The following CDH1 variants were observed in gnomAD, a reference collection of about 807,000 sequenced individuals.
CDH1 encodes cadherin-1.
In CDH1, 35 loss-of-function variants were observed where a neutral mutation model predicts 84.5. The ratio of observed to expected loss-of-function variants is 0.41; its 90% CI spans 0.32 to 0.55. The LOEUF is 0.55. Ranked by LOEUF, CDH1 falls within the 20% of genes least tolerant of loss-of-function variation. CDH1 has a pLI of 0.19. For synonymous variants in CDH1, 417 were observed against 439.0 expected (o/e 0.95, Z 0.63); for missense variants, 994 against 1,126.6 (o/e 0.88, Z 1.68).
At chr16:68,745,715 G>A (rs1462738633) in intron 2 of CDH1, among the ~76,000 whole-genome samples, 2 of 151,174 alleles carry the variant, frequency 1.3e-5, no homozygotes, top group Non-Finnish European at 2.9e-5. Context: ...TGAGATCCTT[G>A]TGGCTAAAAA....
rs114861467 is a variant in CDH1, at chr16:68,815,553, C to G, written c.1359C>G (p.His453Gln). The G allele has an allele frequency of 6.2e-7, 1 of 1,614,232 alleles. No individual in the cohort carries two copies. Among genetic ancestry groups the G allele is most frequent in the Non-Finnish European group, 8.5e-7 (1 of 1,180,044 alleles). ...AGGCCAAGCAGCAGTACATTCTACACGTAGCAGTGACGAATGTGGTACCTT... is the reference window on the plus strand; with the variant it reads ...AGGCCAAGCAGCAGTACATTCTACAGGTAGCAGTGACGAATGTGGTACCTT... Reference protein sequence around the residue: ...DFEAKQQYILHVAVTNVVPFE... With the variant: ...DFEAKQQYILQVAVTNVVPFE... Residue 453 changes from histidine (H) to glutamine (Q), a missense_variant, in exon 10 of 16, where the codon CAC becomes CAG. By Grantham distance (24) the His-to-Gln change is conservative. Transcript: ENST00000261769.
intron 2 of CDH1, among the ~76,000 whole-genome samples, chr16:68,779,731 C>A (rs930149415): frequency 6.6e-6 from 1 of 152,180 alleles, no homozygotes; most frequent in African/African-American, 2.4e-5. Flanking sequence ...GTGGCACATG[C>A]CTGTAGTCCC....
intron 2 of CDH1, among the ~76,000 whole-genome samples, chr16:68,749,867 C>T (rs1486618475): frequency 6.6e-6 from 1 of 152,248 alleles, no homozygotes; most frequent in Non-Finnish European, 1.5e-5. Context: ...AACTCAGCAT[C>T]TCCAGTGGGA....
chr16:68,767,657 T>A (rs2039015677), intron 2 of CDH1, among the ~76,000 whole-genome samples: 1 of 152,272 alleles, frequency 6.6e-6, no homozygotes, highest in Non-Finnish European at 1.5e-5. Flanking sequence ...TGTTGTTTGT[T>A]TGTTTTTTTA....
rs1567518482 is a variant in CDH1 at position 68,834,456 on chromosome 16, A to G, written c.*957A>G. 2.2e-5 allele frequency: 7 copies of G among 323,750 alleles called. No homozygotes were observed. The East Asian group carries it at 3.4e-4, about 16-fold the overall frequency. 20.1% of individuals were successfully genotyped at this position (323,750 alleles called of 1,614,324 possible). A position where few individuals can be genotyped will look rare whatever the true frequency, so the allele number is the denominator to read the frequency against. ...GGTCTTAAACTCCTGGCCTCAAGCA[A>G]TCCTTCTGCCTTGGCCCCCCAAAGT... is the stretch of plus-strand genomic sequence containing the variant. On this transcript the variant is annotated 3_prime_UTR_variant, in exon 16 of 16. Transcript: ENST00000261769.
At chr16:68,748,942 C>A (rs150338776) in intron 2 of CDH1, among the ~76,000 whole-genome samples, 1 of 152,204 alleles carries the variant, frequency 6.6e-6, no homozygotes, top group African/African-American at 2.4e-5. Flanking sequence ...TGGGTTCAAG[C>A]GATTCTCCTG....
chr16:68,811,934 C>A (rs2152132268), intron 7 of CDH1, 75 bp downstream of exon 7: 1 of 1,540,028 alleles, frequency 6.5e-7, no homozygotes, highest in Non-Finnish European at 8.9e-7. Context: ...AAAGCAAAAT[C>A]CTGCTAGGCC....
At chr16:68,815,374 A>G (rs1227469911) in intron 9 of CDH1, 141 bp from the exon 10 acceptor site, 1 of 1,079,616 alleles carries the variant, frequency 9.3e-7, no homozygotes, top group Non-Finnish European at 1.3e-6. Context: ...GGTTTCTGCC[A>G]TTGAAAGTCA....
chr16:68,799,554 C>T (rs1203792253), intron 2 of CDH1, among the ~76,000 whole-genome samples: 1 of 152,078 alleles, frequency 6.6e-6, no homozygotes, highest in African/African-American at 2.4e-5. Flanking sequence ...TTCCTATAAT[C>T]AGCCCAGGGG....
intron 2 of CDH1, among the ~76,000 whole-genome samples, chr16:68,750,824 C>G (rs2152117366): frequency 6.6e-6 from 1 of 152,070 alleles, no homozygotes; most frequent in African/African-American, 2.4e-5. Flanking sequence ...CCCACCTCAG[C>G]CTCCCAAGTA....
At chr16:68,757,960 G>A (rs1963058477) in intron 2 of CDH1, among the ~76,000 whole-genome samples, 1 of 137,890 alleles carries the variant, frequency 7.3e-6, no homozygotes, top group Non-Finnish European at 1.5e-5. Flanking sequence ...CACCACTCCA[G>A]GCTAATCTTT....
Position 68,737,427 on chromosome 16 carries a change from G to C in CDH1, c.12G>C (p.Trp4Cys), listed in dbSNP as rs1555509636. Residue 4 changes from tryptophan (W) to cysteine (C), a missense_variant, in exon 1 of 16, where the codon TGG becomes TGC. Trp to Cys is a radical substitution (Grantham distance 215). This residue lies in a region of CDH1 where 203 missense variants were observed against 194.0 expected (regional missense o/e 1.05). Coordinates refer to ENST00000261769, the MANE Select transcript of CDH1 (RefSeq NM_004360.5). The part of the protein sequence containing the change: MGP[W>C]SRSLSALLLL... The stretch of plus-strand genomic sequence containing the variant: ...GTCCCCGGCCAGCCATGGGCCCTTG[G>C]AGCCGCAGCCTCTCGGCGCTGCTGC... The C allele has an allele frequency of 6.5e-7, 1 of 1,534,538 alleles. No homozygotes were observed. The highest frequency in any genetic ancestry group is 8.7e-7 in the Non-Finnish European group (1 of 1,146,942).
intron 1 of CDH1, 129 bp downstream of exon 1, chr16:68,737,592 G>C (rs377533482): frequency 6.7e-5 from 58 of 870,362 alleles, no homozygotes; most frequent in African/African-American, 3.8e-4. Context: ...CTGAGGAGCG[G>C]AGCGGCCTGG....
At chr16:68,771,729 C>T (rs370731245) in intron 2 of CDH1, among the ~76,000 whole-genome samples, 27 of 147,912 alleles carry the variant, frequency 1.8e-4, no homozygotes, top group Non-Finnish European at 3.9e-4. Flanking sequence ...TCCAGCCTGG[C>T]GACAGAGCAA....
At chr16:68,748,111 CTT>C (rs35209843) in intron 2 of CDH1, among the ~76,000 whole-genome samples, 115 of 113,120 alleles carry the variant, frequency 1.0e-3, no homozygotes, top group East Asian at 1.8e-3. Context: ...AAATTATTTA[CTT>C]TTTTTTTTTT....
At chr16:68,785,497 A>C (rs1184741766) in intron 2 of CDH1, among the ~76,000 whole-genome samples, 1 of 152,124 alleles carries the variant, frequency 6.6e-6, no homozygotes, top group East Asian at 1.9e-4. Context: ...TGACCAAGAC[A>C]GAGTCTTGTT....
intron 2 of CDH1, among the ~76,000 whole-genome samples, chr16:68,758,869 C>T (rs1007966622): frequency 2.6e-5 from 4 of 151,456 alleles, no homozygotes; most frequent in Admixed American, 1.3e-4. Flanking sequence ...CATCTCGGCT[C>T]ACTGCAACTT....
chr16:68,823,560 C>G lies in CDH1; in HGVS notation c.2098C>G (p.Pro700Ala), dbSNP rs878854681. ...CGCTGGCGTCTGTAGGAAGGCACAG[C>G]CTGTCGAAGCAGGATTGCAAATTCC... ...GAAGVCRKAQ[P>A]VEAGLQIPAI... Residue 700 changes from proline (P) to alanine (A), a missense_variant, in exon 13 of 16, where the codon CCT becomes GCT. By Grantham distance (27) the Pro-to-Ala change is conservative (BLOSUM62 -1). Coordinates refer to ENST00000261769, the MANE Select transcript of CDH1 (RefSeq NM_004360.5). 1.2e-6 allele frequency: 2 copies of G among 1,613,950 alleles called. No individual in the cohort carries two copies. The highest frequency in any genetic ancestry group is 8.5e-7 in the Non-Finnish European group (1 of 1,180,006).
At chr16:68,742,948 C>T (rs1711662983) in intron 2 of CDH1, among the ~76,000 whole-genome samples, 1 of 152,192 alleles carries the variant, frequency 6.6e-6, no homozygotes, top group Non-Finnish European at 1.5e-5. Flanking sequence ...ACCAGTGGGC[C>T]GCCCTCCTGG....
Sources: gnomAD v4.1 joint callset for allele counts (sites outside exome capture counted in the v4.1 genomes callset) on GRCh38, gnomAD v4.1.1 for gene constraint, gnomAD v4.1.1 regional missense constraint, MANE v1.5 for transcripts, NCBI Gene and HGNC (gene_info 2026-07-23, HGNC 2026-07-21) for gene names.